KCNAB1: variants seen among roughly 807,000 people sequenced by gnomAD.
KCNAB1 encodes voltage-gated potassium channel subunit beta-1.
In KCNAB1, 35 loss-of-function variants were observed where a neutral mutation model predicts 64.6. That is an observed-to-expected ratio of 0.54 (90% CI 0.41 to 0.72). The LOEUF (loss-of-function observed/expected upper bound fraction) is 0.72, where lower values mean the gene tolerates loss of function less well. Among genes scored for constraint, KCNAB1 ranks in the 30% least tolerant of loss-of-function variants. The pLI, the probability that KCNAB1 is intolerant of heterozygous loss-of-function variation, is 0.00. For missense variants in KCNAB1, 401 were observed against 512.9 expected (o/e 0.78, Z 2.11); for synonymous variants, 177 against 183.8 (o/e 0.96, Z 0.30).
At chr3:156,198,246 GAGA>G (rs1272750659) in intron 1 of KCNAB1, among the ~76,000 whole-genome samples, 2 of 152,202 alleles carry the variant, frequency 1.3e-5, no homozygotes, top group Non-Finnish European at 2.9e-5. Flanking sequence ...GTGTGGTGCT[GAGA>G]AGAATGTATA....
chr3:156,360,846 A>G (rs1725562432), intron 1 of KCNAB1, among the ~76,000 whole-genome samples: 1 of 151,972 alleles, frequency 6.6e-6, no homozygotes. Flanking sequence ...ATGTATCCGA[A>G]TTCCAGCTGC....
At position 156,509,672 on chromosome 3, in the gene KCNAB1, C is replaced by A. The variant is rs549627507; in HGVS notation, c.659-4692C>A. On this transcript the variant is annotated intron_variant, in intron 8 of 13. Coordinates refer to ENST00000490337, the MANE Select transcript of KCNAB1 (RefSeq NM_172160.3). ...GCTTCTGGAAAACTAGGGAAGGAGC[C>A]CAGACCAGGAGAGTCACATTCAGTA... Among the ~76,000 whole-genome samples, 9 of 152,188 alleles carry A rather than the reference C, an allele frequency of 5.9e-5. No individual in the cohort carries two copies. In the South Asian group the frequency reaches 1.7e-3, roughly 28 times the overall value.
chr3:156,319,082 G>A (rs145660521), intron 1 of KCNAB1, among the ~76,000 whole-genome samples: 2 of 152,116 alleles, frequency 1.3e-5, no homozygotes, highest in Non-Finnish European at 2.9e-5. Context: ...AGATTTCAAA[G>A]TATAGCCCAA....
chr3:156,281,359 C>T (rs867749164), intron 1 of KCNAB1, among the ~76,000 whole-genome samples: 3,248 of 151,806 alleles, frequency 0.021, 127 homozygotes, highest in African/African-American at 0.074. Context: ...CTGCTGGATT[C>T]GGTTTGCCAG....
At chr3:156,408,811 C>G (rs1162868095) in intron 1 of KCNAB1, among the ~76,000 whole-genome samples, 1 of 151,890 alleles carries the variant, frequency 6.6e-6, no homozygotes, top group East Asian at 1.9e-4. Context: ...AAATAAATAA[C>G]CTGAGTTCAG....
At chr3:156,350,868 C>G (rs977795984) in intron 1 of KCNAB1, among the ~76,000 whole-genome samples, 1 of 152,230 alleles carries the variant, frequency 6.6e-6, no homozygotes, top group Non-Finnish European at 1.5e-5. Context: ...TGCTGTGTCC[C>G]TGGCACTGGG....
chr3:156,215,292 C>T (rs1715247808), intron 1 of KCNAB1, among the ~76,000 whole-genome samples: 1 of 152,142 alleles, frequency 6.6e-6, no homozygotes, highest in Non-Finnish European at 1.5e-5. Context: ...TGGAGAGTTA[C>T]CTGTGGCCCG....
At chr3:156,244,557 G>A (rs533773909) in intron 1 of KCNAB1, among the ~76,000 whole-genome samples, 1 of 152,176 alleles carries the variant, frequency 6.6e-6, no homozygotes, top group South Asian at 2.1e-4. Flanking sequence ...TGGATCCTCT[G>A]AGTCTTCTCT....
At chr3:156,451,796 C>A (rs1007372454) in intron 2 of KCNAB1, among the ~76,000 whole-genome samples, 1 of 152,078 alleles carries the variant, frequency 6.6e-6, no homozygotes, top group South Asian at 2.1e-4. Flanking sequence ...CACCTCCTTT[C>A]CTGGCCGGTG....
intron 2 of KCNAB1, among the ~76,000 whole-genome samples, chr3:156,429,133 T>C (rs1337995464): frequency 6.6e-6 from 1 of 152,222 alleles, no homozygotes; most frequent in Non-Finnish European, 1.5e-5. Context: ...AATGAGGAGC[T>C]CCACATGCAT....
At chr3:156,129,970 C>A (rs1713896331) in intron 1 of KCNAB1, among the ~76,000 whole-genome samples, 1 of 152,214 alleles carries the variant, frequency 6.6e-6, no homozygotes, top group Non-Finnish European at 1.5e-5. Context: ...TCTCTCCATG[C>A]ACAGTGGATC....
In KCNAB1 at chr3:156,189,499, G is replaced by A. The variant is rs538270161; in HGVS notation, c.275+68613G>A. Among the ~76,000 whole-genome samples, 3 of 152,314 alleles carry A rather than the reference G, an allele frequency of 2.0e-5. No individual in the cohort carries two copies. The South Asian group carries it at 6.2e-4, about 32-fold the overall frequency. On this transcript the variant is annotated intron_variant, in intron 1 of 13. Coordinates refer to ENST00000490337, the MANE Select transcript of KCNAB1 (RefSeq NM_172160.3). ...GCTATATCACATTGCCAAACCCAGT[G>A]TTTCATTAAAGGGGTGTTGGGGGAC...
chr3:156,154,870 G>C (rs1263970405), intron 1 of KCNAB1, among the ~76,000 whole-genome samples: 1 of 152,142 alleles, frequency 6.6e-6, no homozygotes, highest in Non-Finnish European at 1.5e-5. Context: ...CATTACAGTG[G>C]ACAGAATCCA....
intron 1 of KCNAB1, among the ~76,000 whole-genome samples, chr3:156,203,676 C>T (rs2108382338): frequency 6.6e-6 from 1 of 152,272 alleles, no homozygotes; most frequent in East Asian, 1.9e-4. Context: ...GCCGTCAAAT[C>T]ATGTTTGTTT....
intron 1 of KCNAB1, among the ~76,000 whole-genome samples, chr3:156,314,701 A>C (rs1246310586): frequency 3.3e-5 from 5 of 152,260 alleles, no homozygotes; most frequent in Non-Finnish European, 7.3e-5. Context: ...CAAGATGCAA[A>C]TAATTAATTG....
chr3:156,412,350 T>C (rs1714726841), intron 1 of KCNAB1, among the ~76,000 whole-genome samples: 1 of 152,242 alleles, frequency 6.6e-6, no homozygotes, highest in Admixed American at 6.5e-5. Flanking sequence ...TTTTTTAAAA[T>C]ATGAATGCCT....
intron 12 of KCNAB1, among the ~76,000 whole-genome samples, chr3:156,527,234 A>T (rs1424397424): frequency 6.6e-6 from 1 of 152,256 alleles, no homozygotes; most frequent in Non-Finnish European, 1.5e-5. Flanking sequence ...ATTTGACCAC[A>T]GGCAAGTTAC....
chr3:156,415,200 C>T (rs1360125766), intron 1 of KCNAB1, among the ~76,000 whole-genome samples: 2 of 152,098 alleles, frequency 1.3e-5, no homozygotes, highest in Admixed American at 6.5e-5. Context: ...GATTTTGTAC[C>T]CATACCAGAA....
intron 1 of KCNAB1, among the ~76,000 whole-genome samples, chr3:156,184,136 T>G (rs1338042914): frequency 6.6e-6 from 1 of 152,214 alleles, no homozygotes; most frequent in Non-Finnish European, 1.5e-5. Context: ...TACATACAAT[T>G]TTTTTGTCCC....
Sources: gnomAD v4.1 joint callset for allele counts (sites outside exome capture counted in the v4.1 genomes callset) on GRCh38, gnomAD v4.1.1 for gene constraint, MANE v1.5 for transcripts, NCBI Gene and HGNC (gene_info 2026-07-23, HGNC 2026-07-21) for gene names.